Variants in ZNF711 observed in about 807,000 individuals in gnomAD.
The protein encoded by ZNF711 is ZFX family zinc finger ZNF711.
A neutral mutation model predicts 43.5 loss-of-function variants in ZNF711; 3 were observed. The observed-to-expected ratio is 0.07, with a 90% CI of 0.03 to 0.18. The LOEUF (loss-of-function observed/expected upper bound fraction) is 0.18. Among genes scored for constraint, ZNF711 ranks in the 10% least tolerant of loss-of-function variants. ZNF711 has a pLI of 1.00. For synonymous variants in ZNF711, 209 were observed against 207.7 expected (o/e 1.01, Z -0.06); for missense variants, 412 against 604.0 (o/e 0.68, Z 3.33).
At chrX:85,249,493 A>C (rs1929352540) in intron 4 of ZNF711, among the ~76,000 whole-genome samples, 1 of 111,212 alleles carries the variant, frequency 9.0e-6, no homozygotes, top group South Asian at 3.7e-4. Context: ...GATTCCTTTC[A>C]AAAGATGAAA....
intron 5 of ZNF711, among the ~76,000 whole-genome samples, chrX:85,262,594 CT>C (rs1315131789): frequency 9.1e-6 from 1 of 109,463 alleles, no homozygotes; most frequent in Admixed American, 9.8e-5. Context: ...AATACTTAAT[CT>C]TTTTTTATTT....
At chrX:85,254,801 C>CAAAAAAA (rs376380248) in intron 4 of ZNF711, among the ~76,000 whole-genome samples, 1 of 35,804 alleles carries the variant, frequency 2.8e-5, no homozygotes, top group Admixed American at 3.4e-4. Flanking sequence ...GACTCCGTCT[C>CAAAAAAA]AAAAAAAAAA....
At chrX:85,253,345 C>G (rs1215183687) in intron 4 of ZNF711, among the ~76,000 whole-genome samples, 1 of 112,042 alleles carries the variant, frequency 8.9e-6, no homozygotes, top group African/African-American at 3.2e-5. Context: ...CAGACACTTT[C>G]ATGTTCATGA....
At chrX:85,262,210 A>T (rs181466248) in intron 5 of ZNF711, among the ~76,000 whole-genome samples, 15 of 111,032 alleles carry the variant, frequency 1.4e-4, no homozygotes, top group African/African-American at 4.2e-4. Flanking sequence ...TAGTAATTTC[A>T]TACTTATTGC....
intron 4 of ZNF711, among the ~76,000 whole-genome samples, chrX:85,251,466 A>G (rs1396132868): frequency 9.0e-6 from 1 of 111,428 alleles, no homozygotes; most frequent in Admixed American, 9.6e-5. Context: ...GGCCCAAGAC[A>G]GACCTGACAC....
intron 5 of ZNF711, among the ~76,000 whole-genome samples, chrX:85,259,260 A>G (rs981227423): frequency 9.0e-6 from 1 of 110,991 alleles, no homozygotes; most frequent in African/African-American, 3.3e-5. Context: ...CCTTTGGTCT[A>G]TGTGTTTGTT....
intron 5 of ZNF711, among the ~76,000 whole-genome samples, chrX:85,259,145 A>G (rs1569264967): frequency 9.0e-6 from 1 of 111,201 alleles, no homozygotes; most frequent in Non-Finnish European, 1.9e-5. Context: ...TCCCAGCACC[A>G]TTTATTGAAT....
In ZNF711 at chrX:85,248,329, C is replaced by A. The variant is rs1214980903; in HGVS notation, c.79+678C>A. The stretch of plus-strand genomic sequence containing the variant: ...CTAAAAGTACAAAAGATTAGCTGAG[C>A]GTGGTGGAGCACGCCTGTAGTCCCA... On this transcript the variant is annotated intron_variant, in intron 4 of 10. Coordinates refer to ENST00000674551, the MANE Select transcript of ZNF711 (RefSeq NM_001330574.2). Among the ~76,000 whole-genome samples the A allele has an allele frequency of 1.3e-4, 14 of 108,377 alleles. No individual in the cohort carries two copies. The Admixed American group carries it at 1.4e-3, about 11-fold the overall frequency. The allele number at this position is 108,377 out of a possible 115,157, so 94.1% of individuals were successfully genotyped here. A position where few individuals can be genotyped will look rare whatever the true frequency, so the allele number is the denominator to read the frequency against.
intron 4 of ZNF711, among the ~76,000 whole-genome samples, chrX:85,252,418 C>G (rs868720169): frequency 9.0e-6 from 1 of 111,385 alleles, no homozygotes; most frequent in African/African-American, 3.3e-5. Flanking sequence ...CTTTCCTTCC[C>G]TATGGTCTAC....
At position 85,244,136 on chromosome X, in the gene ZNF711, G is replaced by GGCGGCGGCA. The variant is rs1928761883; in HGVS notation, c.-453_-452insAGCGGCGGC. 2 of 148,321 alleles carry GGCGGCGGCA rather than the reference G, an allele frequency of 1.3e-5. No individual in the cohort carries two copies. Among genetic ancestry groups the GGCGGCGGCA allele is most frequent in the African/African-American group, 3.3e-5 (1 of 30,697 alleles). The allele number at this position is 148,321 out of a possible 1,213,427, so 12.2% of individuals were successfully genotyped here. ...CTGGCGGCACGGAGGCGGCGGCGGC[G>GGCGGCGGCA]GCGGCGGCGGCAGCGGCGGCGGCAG... On this transcript the variant is annotated 5_prime_UTR_variant, in exon 1 of 11. Transcript: ENST00000674551.
chrX:85,271,469 G>A lies in ZNF711; in HGVS notation c.2065G>A (p.Gly689Ser), dbSNP rs1420222091. Residue 689 changes from glycine to serine, a missense_variant, in exon 11 of 11, where the codon GGT (glycine) becomes AGT (serine). By Grantham distance (56) the Gly-to-Ser change is moderately conservative. This residue lies in a region of ZNF711 where 25 missense variants were observed against 52.9 expected (regional missense o/e 0.47). Transcript: ENST00000674551. ...CAAAAAGCATAGTGATATCCATAAG[G>A]GTAGGAAGATTCATCAGTGCAGGCA... ...ELKKHSDIHK[G>S]RKIHQCRHCD... is the part of the protein sequence containing the mutation. The A allele has an allele frequency of 8.3e-7, 1 of 1,211,120 alleles. No homozygotes were observed. The highest frequency in any genetic ancestry group is 1.1e-6 in the Non-Finnish European group (1 of 895,154).
At chrX:85,268,243 A>T (rs776444316) in intron 8 of ZNF711, 51 bp from the exon 9 acceptor site, 37 of 1,133,157 alleles carry the variant, frequency 3.3e-5, no homozygotes, top group East Asian at 6.3e-5. Flanking sequence ...AGTCATTATA[A>T]TTAGCATATC....
rs939397426 is a variant in ZNF711, at chrX:85,268,359, A to G, written c.1102+18A>G. 5.0e-6 allele frequency: 6 copies of G among 1,192,545 alleles called. No individual in the cohort carries two copies. The highest frequency in any genetic ancestry group is 4.5e-5 in the Admixed American group (2 of 44,479). On this transcript the variant is annotated intron_variant, in intron 9 of 10. Transcript: ENST00000674551. ...AGCATCAGGTAAGAGAGCATTGTAT[A>G]TGAGATGTGAGTTAAAGTTCTGGCT...
At position 85,244,145 on chromosome X, in the gene ZNF711, GGCAGCGGCGGCGGCAGCGGCGGCGGCA is replaced by G; in HGVS notation, c.-449_-423del. ...CGGAGGCGGCGGCGGCGGCGGCGGC[GGCAGCGGCGGCGGCAGCGGCGGCGGCA>G]GCTGTAGCTGCAGCAGCAGGTAAGG... On this transcript the variant is annotated 5_prime_UTR_variant, in exon 1 of 11. Coordinates refer to ENST00000674551, the MANE Select transcript of ZNF711 (RefSeq NM_001330574.2). 1 of 137,002 alleles carries G rather than the reference GGCAGCGGCGGCGGCAGCGGCGGCGGCA, an allele frequency of 7.3e-6. No homozygotes were observed. The highest frequency in any genetic ancestry group is 1.3e-5 in the Non-Finnish European group (1 of 74,605). 11.3% of individuals were successfully genotyped at this position (137,002 alleles called of 1,213,427 possible). A position where few individuals can be genotyped will look rare whatever the true frequency, so the allele number is the denominator to read the frequency against.
At chrX:85,264,206 T>A in intron 5 of ZNF711, 69 bp from the exon 6 acceptor site, 1 of 939,787 alleles carries the variant, frequency 1.1e-6, no homozygotes, top group Non-Finnish European at 1.5e-6. Context: ...ATAGTGGTAA[T>A]TTTTCTTGTT....
intron 4 of ZNF711, 51 bp from the exon 5 acceptor site, chrX:85,255,208 C>T: frequency 9.1e-7 from 1 of 1,100,950 alleles, no homozygotes; most frequent in Non-Finnish European, 1.3e-6. Flanking sequence ...ATACAGTACT[C>T]TAAATTAATA....
At chrX:85,254,832 A>C (rs192465917) in intron 4 of ZNF711, among the ~76,000 whole-genome samples, 211 of 109,008 alleles carry the variant, frequency 1.9e-3, no homozygotes, top group African/African-American at 6.7e-3. Context: ...AAAAGAAAAA[A>C]AGAAATCGCC....
At chrX:85,265,287 C>T in intron 7 of ZNF711, 32 bp downstream of exon 7, 1 of 1,189,013 alleles carries the variant, frequency 8.4e-7, no homozygotes, top group Non-Finnish European at 1.1e-6. Flanking sequence ...AGTGACTTAT[C>T]AGTAGCCATC....
intron 5 of ZNF711, among the ~76,000 whole-genome samples, chrX:85,256,885 A>G (rs772077794): frequency 1.2e-4 from 13 of 111,526 alleles, no homozygotes; most frequent in Non-Finnish European, 2.3e-4. Flanking sequence ...GCAACTCCAT[A>G]TTTACATCTT....
Sources: gnomAD v4.1 joint callset for allele counts (sites outside exome capture counted in the v4.1 genomes callset) on GRCh38, gnomAD v4.1.1 for gene constraint, gnomAD v4.1.1 regional missense constraint, MANE v1.5 for transcripts, NCBI Gene and HGNC (gene_info 2026-07-23, HGNC 2026-07-21) for gene names.